NCKAP5: variants seen among roughly 807,000 people sequenced by gnomAD.
NCKAP5 encodes nck-associated protein 5.
Under a neutral mutation model 167.0 loss-of-function variants are expected in NCKAP5, and 92 were observed. The ratio of observed to expected loss-of-function variants is 0.55; its 90% CI spans 0.47 to 0.66. NCKAP5 has a LOEUF of 0.66. Among genes scored for constraint, NCKAP5 ranks in the 30% least tolerant of loss-of-function variants. NCKAP5 has a pLI of 0.00. For synonymous variants in NCKAP5, 891 were observed against 877.4 expected (o/e 1.02, Z -0.27); for missense variants, 2,378 against 2,315.0 (o/e 1.03, Z -0.56).
chr2:132,704,418 T>C (rs957348575), intron 19 of NCKAP5, among the ~76,000 whole-genome samples: 1 of 152,152 alleles, frequency 6.6e-6, no homozygotes, highest in African/African-American at 2.4e-5. Flanking sequence ...AATACAACTC[T>C]AGCCACAAAT....
At chr2:133,505,688 C>A (rs921976394) in intron 3 of NCKAP5, among the ~76,000 whole-genome samples, 1 of 152,188 alleles carries the variant, frequency 6.6e-6, no homozygotes, top group Non-Finnish European at 1.5e-5. Flanking sequence ...GGATTCAAAT[C>A]CAGTTCAGCC....
At chr2:133,045,849 A>T (rs911218204) in intron 6 of NCKAP5, among the ~76,000 whole-genome samples, 2 of 152,186 alleles carry the variant, frequency 1.3e-5, no homozygotes, top group African/African-American at 4.8e-5. Context: ...TTGCGATGAG[A>T]TGAAGAGAGG....
chr2:133,268,449 C>T (rs933996959), intron 4 of NCKAP5: 6 of 148,904 alleles, frequency 4.0e-5, no homozygotes, highest in Non-Finnish European at 7.4e-5. Context: ...TCATGTAAGT[C>T]AAGGACAACT....
At chr2:133,605,186 G>A in the NCKAP5 span, among the ~76,000 whole-genome samples, 1 of 152,148 alleles carries the variant, frequency 6.6e-6, no homozygotes, top group African/African-American at 2.4e-5. Flanking sequence ...GTGATCTTAA[G>A]CCTGATTCTC....
intron 8 of NCKAP5, among the ~76,000 whole-genome samples, chr2:132,952,756 T>C (rs1316734095): frequency 6.6e-6 from 1 of 152,180 alleles, no homozygotes; most frequent in Non-Finnish European, 1.5e-5. Flanking sequence ...AACTTCAATT[T>C]ATGGAATGCA....
At chr2:132,808,619 T>C (rs1256791370) in intron 11 of NCKAP5, among the ~76,000 whole-genome samples, 1 of 152,182 alleles carries the variant, frequency 6.6e-6, no homozygotes, top group African/African-American at 2.4e-5. Flanking sequence ...TCCTGTTTCG[T>C]TTCTTAGTGA....
chr2:133,021,820 G>A (rs1475559654), intron 6 of NCKAP5, among the ~76,000 whole-genome samples: 4 of 152,064 alleles, frequency 2.6e-5, no homozygotes, highest in Non-Finnish European at 5.9e-5. Context: ...TAGTAGAGAC[G>A]AGGTTTTGCC....
At chr2:133,527,660 G>T (rs1481952938) in intron 2 of NCKAP5, among the ~76,000 whole-genome samples, 1 of 152,138 alleles carries the variant, frequency 6.6e-6, no homozygotes, top group Non-Finnish European at 1.5e-5. Flanking sequence ...CTGCCAAAAT[G>T]AAATGTATGA....
At chr2:133,097,631 C>T (rs2081383271) in intron 6 of NCKAP5, among the ~76,000 whole-genome samples, 1 of 152,140 alleles carries the variant, frequency 6.6e-6, no homozygotes, top group Non-Finnish European at 1.5e-5. Flanking sequence ...ATGGCTCCAA[C>T]AGTAGGGGAA....
At chr2:132,970,794 C>T (rs180722531) in intron 7 of NCKAP5, among the ~76,000 whole-genome samples, 12 of 152,240 alleles carry the variant, frequency 7.9e-5, no homozygotes, top group East Asian at 1.9e-4. Context: ...AGTTCTGGAA[C>T]GCATCAAGTG....
intron 5 of NCKAP5, among the ~76,000 whole-genome samples, chr2:133,157,088 GC>G (rs1162967817): frequency 6.6e-6 from 1 of 152,148 alleles, no homozygotes; most frequent in African/African-American, 2.4e-5. Context: ...CCAACACAAT[GC>G]CAACCCACAA....
At chr2:132,789,569 A>G (rs1683879078) in intron 13 of NCKAP5, among the ~76,000 whole-genome samples, 1 of 152,170 alleles carries the variant, frequency 6.6e-6, no homozygotes, top group African/African-American at 2.4e-5. Context: ...CGGGGTTTCT[A>G]TTCTTGTGTG....
chr2:132,982,795 T>A (rs755194806), intron 7 of NCKAP5, among the ~76,000 whole-genome samples: 15 of 152,218 alleles, frequency 9.9e-5, no homozygotes, highest in Non-Finnish European at 2.2e-4. Flanking sequence ...TACAGGATAA[T>A]GTAGGATAAT....
the NCKAP5 span, among the ~76,000 whole-genome samples, chr2:133,597,160 G>A: frequency 6.6e-6 from 1 of 152,220 alleles, no homozygotes; most frequent in African/African-American, 2.4e-5. Flanking sequence ...CGGAGCCACA[G>A]CATCCGGCAA....
At chr2:132,888,320 C>T (rs974625) in intron 8 of NCKAP5, among the ~76,000 whole-genome samples, 47,339 of 151,970 alleles carry the variant, frequency 0.31, 7,695 homozygotes, top group Non-Finnish European at 0.36. Context: ...GAAATTAAAC[C>T]AGTGATAACC....
At chr2:133,518,053 A>T (rs1297829839) in intron 2 of NCKAP5, among the ~76,000 whole-genome samples, 1 of 152,220 alleles carries the variant, frequency 6.6e-6, no homozygotes, top group African/African-American at 2.4e-5. Context: ...TAATTTAAAA[A>T]ATATGTAATT....
intron 4 of NCKAP5, among the ~76,000 whole-genome samples, chr2:133,253,708 G>A (rs2088470949): frequency 6.6e-6 from 1 of 152,178 alleles, no homozygotes; most frequent in African/African-American, 2.4e-5. Context: ...TTCCTTATAT[G>A]TAAAATGAAG....
chr2:133,542,160 A>T (rs909269429), intron 2 of NCKAP5, among the ~76,000 whole-genome samples: 19 of 152,174 alleles, frequency 1.2e-4, no homozygotes, highest in African/African-American at 4.6e-4. Flanking sequence ...AACATAGAAA[A>T]GCTGTTCATG....
intron 5 of NCKAP5, among the ~76,000 whole-genome samples, chr2:133,145,242 A>T (rs1406016948): frequency 6.6e-6 from 1 of 152,076 alleles, no homozygotes; most frequent in African/African-American, 2.4e-5. Flanking sequence ...CTCTACCAAA[A>T]GTTTTATATT....
Sources: allele counts gnomAD v4.1 joint callset (sites outside exome capture counted in the v4.1 genomes callset), GRCh38; gene constraint gnomAD v4.1.1; transcripts MANE v1.5; gene names NCBI Gene and HGNC (gene_info 2026-07-23, HGNC 2026-07-21).